The following EBF1 variants were observed in gnomAD, a reference collection of about 807,000 sequenced individuals.
EBF1 encodes transcription factor COE1.
Under a neutral mutation model 68.4 loss-of-function variants are expected in EBF1, and 10 were observed. That is an observed-to-expected ratio of 0.15 (90% confidence interval 0.09 to 0.25). The LOEUF (loss-of-function observed/expected upper bound fraction) is 0.25. Among genes scored for constraint, EBF1 ranks in the 10% least tolerant of loss-of-function variants. The probability of loss-of-function intolerance (pLI) is 1.00; values close to 1 mark genes in which losing one functional copy is unlikely to be tolerated. For missense variants in EBF1, 509 were observed against 794.4 expected (o/e 0.64, Z 4.32); for synonymous variants, 298 against 299.8 (o/e 0.99, Z 0.06).
At chr5:158,985,670 T>A (rs1337007586) in intron 6 of EBF1, 1 of 152,268 alleles carries the variant, frequency 6.6e-6, no homozygotes, top group Non-Finnish European at 1.5e-5. Flanking sequence ...CATATCCTTT[T>A]TGAATTTTGC....
intron 9 of EBF1, among the ~76,000 whole-genome samples, chr5:158,790,383 C>A (rs1480080462): frequency 6.6e-6 from 1 of 152,164 alleles, no homozygotes; most frequent in Non-Finnish European, 1.5e-5. Context: ...ATGGTTTTCT[C>A]ACATCTATCC....
intron 6 of EBF1, among the ~76,000 whole-genome samples, chr5:158,902,263 A>G (rs991313266): frequency 1.3e-5 from 2 of 152,182 alleles, no homozygotes. Flanking sequence ...GGCTGTAGAG[A>G]CACAACCACA....
chr5:158,977,426 C>A (rs1313914339), intron 6 of EBF1, among the ~76,000 whole-genome samples: 2 of 152,096 alleles, frequency 1.3e-5, no homozygotes, highest in Non-Finnish European at 2.9e-5. Flanking sequence ...CGGTTTCTTT[C>A]AACAAACTAT....
intron 6 of EBF1, among the ~76,000 whole-genome samples, chr5:159,050,678 G>A (rs1474642025): frequency 6.6e-6 from 1 of 152,158 alleles, no homozygotes; most frequent in Non-Finnish European, 1.5e-5. Context: ...TCCCTTATAA[G>A]GGTTGACTGA....
chr5:158,809,961 C>T (rs1561992591), intron 8 of EBF1, among the ~76,000 whole-genome samples: 1 of 152,158 alleles, frequency 6.6e-6, no homozygotes, highest in Non-Finnish European at 1.5e-5. Flanking sequence ...CACTTTCCCC[C>T]AACTCTCTTT....
At chr5:158,739,260 C>T (rs1169089960) in intron 10 of EBF1, among the ~76,000 whole-genome samples, 1 of 152,178 alleles carries the variant, frequency 6.6e-6, no homozygotes, top group African/African-American at 2.4e-5. Context: ...CCCTTTCTTG[C>T]CCTGGAGGGC....
intron 14 of EBF1, among the ~76,000 whole-genome samples, chr5:158,708,650 G>A (rs1490960392): frequency 6.6e-6 from 1 of 152,192 alleles, no homozygotes; most frequent in Non-Finnish European, 1.5e-5. Context: ...AGTGGAGGCA[G>A]GGAAGGGAAA....
intron 6 of EBF1, among the ~76,000 whole-genome samples, chr5:159,042,604 G>GTA (rs1389062626): frequency 6.6e-6 from 1 of 151,656 alleles, no homozygotes; most frequent in Non-Finnish European, 1.5e-5. Flanking sequence ...GTGTGTGTGT[G>GTA]TGTGTGCATG....
intron 13 of EBF1, 93 bp from the exon 14 acceptor site, chr5:158,712,426 C>A: frequency 7.1e-7 from 1 of 1,406,326 alleles, no homozygotes; most frequent in Non-Finnish European, 9.7e-7. Flanking sequence ...TGTTTCTGGC[C>A]CCGTCGCCGC....
chr5:158,969,928 A>AG (rs1755263682), intron 6 of EBF1, among the ~76,000 whole-genome samples: 1 of 138,446 alleles, frequency 7.2e-6, no homozygotes. Context: ...AAAAAAAAAA[A>AG]AAGGCTGCTG....
At chr5:158,930,847 T>C (rs1294738073) in intron 6 of EBF1, among the ~76,000 whole-genome samples, 1 of 151,974 alleles carries the variant, frequency 6.6e-6, no homozygotes, top group African/African-American at 2.4e-5. Flanking sequence ...ATACCACCTC[T>C]GCAATTCAAA....
At chr5:159,009,983 A>G (rs1394915992) in intron 6 of EBF1, among the ~76,000 whole-genome samples, 1 of 152,230 alleles carries the variant, frequency 6.6e-6, no homozygotes, top group Non-Finnish European at 1.5e-5. Flanking sequence ...AAATTCAGGC[A>G]ATCCTCAAAA....
Position 159,096,344 on chromosome 5 carries a change from A to G in EBF1, c.354T>C (p.Asn118=), listed in dbSNP as rs776347555. 14 of 1,613,126 alleles carry G rather than the reference A, an allele frequency of 8.7e-6. 1 individual carries two copies. The South Asian group carries it at 9.9e-5, about 11-fold the overall frequency. The change falls in exon 3 of 16, where the codon AAT becomes AAC. Residue 118 remains asparagine (N), a splice_region_variant and synonymous_variant. Transcript: ENST00000313708. ...IHYRLQLLYS[N]GIRTEQDFYV... ...CCATAGACCCGACCCGGGCCTCACC[A>G]TTGCTGTAGAGAAGCTGAAGCCGGT...
intron 6 of EBF1, among the ~76,000 whole-genome samples, chr5:158,901,759 G>A (rs577159639): frequency 7.2e-5 from 11 of 152,208 alleles, no homozygotes; most frequent in South Asian, 2.1e-4. Context: ...AACTTCCCCC[G>A]GTTTACACAG....
At chr5:158,800,492 T>C (rs1012045680) in intron 8 of EBF1, among the ~76,000 whole-genome samples, 3 of 152,200 alleles carry the variant, frequency 2.0e-5, no homozygotes, top group African/African-American at 4.8e-5. Context: ...TAAGGTACTA[T>C]GTAATAATAA....
At chr5:158,799,234 C>A (rs1009192079) in intron 8 of EBF1, among the ~76,000 whole-genome samples, 1 of 151,982 alleles carries the variant, frequency 6.6e-6, no homozygotes, top group African/African-American at 2.4e-5. Context: ...TCAAGACTGG[C>A]CCAGGCAACA....
chr5:159,096,270 CCT>C, intron 3 of EBF1, 71 bp downstream of exon 3: 1 of 1,481,830 alleles, frequency 6.7e-7, no homozygotes, highest in Non-Finnish European at 9.2e-7. Flanking sequence ...ATTTCGTCCA[CCT>C]GGAGCTCCCT....
chr5:158,788,037 A>G (rs952539923), intron 9 of EBF1, among the ~76,000 whole-genome samples: 6 of 152,142 alleles, frequency 3.9e-5, no homozygotes, highest in African/African-American at 1.4e-4. Flanking sequence ...TGAATGAATG[A>G]ATGAAAGGGG....
chr5:159,097,375 A>T, intron 1 of EBF1: 1 of 536,278 alleles, frequency 1.9e-6, no homozygotes, highest in Non-Finnish European at 3.3e-6. Flanking sequence ...AGAGGTGTGA[A>T]AGTTTTGTTT....
Sources: allele counts gnomAD v4.1 joint callset (sites outside exome capture counted in the v4.1 genomes callset), GRCh38; gene constraint gnomAD v4.1.1; transcripts MANE v1.5; gene names NCBI Gene and HGNC (gene_info 2026-07-23, HGNC 2026-07-21).